The following SSBP2 variants were observed in gnomAD, a reference collection of about 807,000 sequenced individuals.
SSBP2 encodes single stranded DNA binding protein 2.
SSBP2 carries 17 observed loss-of-function variants against 61.8 expected under a neutral mutation model. The ratio of observed to expected loss-of-function variants is 0.28; its 90% confidence interval spans 0.19 to 0.41. The LOEUF (loss-of-function observed/expected upper bound fraction) is 0.41, where lower values mean the gene tolerates loss of function less well. Ranked by LOEUF, SSBP2 falls within the 10% of genes least tolerant of loss-of-function variation. The probability of loss-of-function intolerance (pLI) is 1.00; values close to 1 mark genes in which losing one functional copy is unlikely to be tolerated. For missense variants in SSBP2, 310 were observed against 458.7 expected, an observed-to-expected ratio of 0.68 and a Z score of 2.96; for synonymous variants, 139 against 141.3, an observed-to-expected ratio of 0.98 and a Z score of 0.12.
At chr5:81,705,614 T>C (rs541877489) in intron 1 of SSBP2, among the ~76,000 whole-genome samples, 1 of 152,306 alleles carries the variant, frequency 6.6e-6, no homozygotes, top group African/African-American at 2.4e-5. Flanking sequence ...AAACTAATTA[T>C]TTTAAGCCTT....
intron 4 of SSBP2, among the ~76,000 whole-genome samples, chr5:81,590,203 A>C (rs185633462): frequency 6.6e-6 from 1 of 152,318 alleles, no homozygotes; most frequent in East Asian, 1.9e-4. Flanking sequence ...AGATTTAAAA[A>C]AAAAATTATA....
At chr5:81,608,123 C>T (rs1561598585) in intron 4 of SSBP2, among the ~76,000 whole-genome samples, 1 of 152,122 alleles carries the variant, frequency 6.6e-6, no homozygotes, top group African/African-American at 2.4e-5. Context: ...TTAACCCACT[C>T]TTATCCCTTA....
rs558310014 is a variant in SSBP2 at position 81,598,019 on chromosome 5, A to G, written c.282+17454T>C. Among the ~76,000 whole-genome samples the G allele has an allele frequency of 2.0e-5, 3 of 151,724 alleles. No individual in the cohort carries two copies. In the East Asian group the frequency reaches 5.8e-4, roughly 29 times the overall value. On this transcript the variant is annotated intron_variant, in intron 4 of 16. Transcript: ENST00000320672. ...ACTTAAAGTATAATAATAAAATTAA[A>G]AAATAATAATAATAAAATAAATTTA...
At chr5:81,551,604 T>C (rs1466396944) in intron 4 of SSBP2, among the ~76,000 whole-genome samples, 6 of 152,166 alleles carry the variant, frequency 3.9e-5, no homozygotes, top group Non-Finnish European at 8.8e-5. Flanking sequence ...AAAGTATTTA[T>C]TACTTATTTA....
At chr5:81,490,761 C>A (rs1284497349) in intron 5 of SSBP2, among the ~76,000 whole-genome samples, 1 of 152,156 alleles carries the variant, frequency 6.6e-6, no homozygotes, top group Non-Finnish European at 1.5e-5. Flanking sequence ...ACAAAAGGAG[C>A]TTCACAATTA....
intron 1 of SSBP2, among the ~76,000 whole-genome samples, chr5:81,707,569 A>G (rs1437258996): frequency 6.6e-6 from 1 of 152,120 alleles, no homozygotes; most frequent in Non-Finnish European, 1.5e-5. Flanking sequence ...TTGATTTCAG[A>G]CTTCTTGCCT....
In SSBP2 at chr5:81,469,643, C is replaced by A. The variant is rs577844291; in HGVS notation, c.571-2602G>T. On this transcript the variant is annotated intron_variant, in intron 8 of 16. Coordinates refer to ENST00000320672, the MANE Select transcript of SSBP2 (RefSeq NM_012446.5). ...GTATACCCAGTGTTCATGTATGGTG[C>A]CTGGCACACAGTAGGCCTTCCATGA... 1.1e-4 allele frequency among the ~76,000 whole-genome samples: 16 copies of A among 152,016 alleles called. No homozygotes were observed. In the South Asian group the frequency reaches 3.3e-3, roughly 32 times the overall value.
intron 15 of SSBP2, among the ~76,000 whole-genome samples, chr5:81,434,156 C>T (rs950150155): frequency 6.6e-6 from 1 of 152,168 alleles, no homozygotes; most frequent in African/African-American, 2.4e-5. Flanking sequence ...CAATTCAGTA[C>T]TCTTTATTTA....
In SSBP2 at chr5:81,418,218, T is replaced by G. The variant is rs754194833; in HGVS notation, c.*2286A>C. The stretch of plus-strand genomic sequence containing the variant: ...GTGTCTGGACAAACTATCACCTTCA[T>G]TCAGGTTACCCTGGCTTGAGGTAAA... On this transcript the variant is annotated 3_prime_UTR_variant, in exon 17 of 17. Transcript: ENST00000320672. The G allele has an allele frequency of 6.6e-5, 10 of 152,242 alleles. No individual in the cohort carries two copies. The highest frequency in any genetic ancestry group is 1.5e-4 in the Non-Finnish European group (10 of 68,046). 9.4% of individuals were successfully genotyped at this position (152,242 alleles called of 1,614,324 possible). A position where few individuals can be genotyped will look rare whatever the true frequency, so the allele number is the denominator to read the frequency against.
At chr5:81,593,613 G>A (rs545972369) in intron 4 of SSBP2, among the ~76,000 whole-genome samples, 2 of 152,294 alleles carry the variant, frequency 1.3e-5, no homozygotes, top group African/African-American at 2.4e-5. Flanking sequence ...TACCCACAAA[G>A]GGAAGCCCAT....
At chr5:81,483,654 C>A (rs1446081065) in intron 6 of SSBP2, among the ~76,000 whole-genome samples, 1 of 152,046 alleles carries the variant, frequency 6.6e-6, no homozygotes, top group Non-Finnish European at 1.5e-5. Context: ...GCTTTCAACA[C>A]CACTGTCATT....
intron 4 of SSBP2, among the ~76,000 whole-genome samples, chr5:81,521,470 T>C (rs776794465): frequency 6.6e-6 from 1 of 151,844 alleles, no homozygotes; most frequent in Non-Finnish European, 1.5e-5. Context: ...TAAATGGATA[T>C]TGTTTTCCAA....
At chr5:81,681,711 G>GA (rs1403460400) in intron 1 of SSBP2, among the ~76,000 whole-genome samples, 3 of 151,750 alleles carry the variant, frequency 2.0e-5, no homozygotes, top group Non-Finnish European at 4.4e-5. Context: ...TAAGCCAGAG[G>GA]AAAAAATCTG....
Position 81,474,693 on chromosome 5 carries a change from T to C in SSBP2, c.433-131A>G, listed in dbSNP as rs114588855. 1,115 of 630,734 alleles carry C rather than the reference T, an allele frequency of 1.8e-3. 7 individuals are homozygous for C. In the African/African-American group the frequency reaches 0.018, roughly 10 times the overall value. 39.1% of individuals were successfully genotyped at this position (630,734 alleles called of 1,614,324 possible). A position where few individuals can be genotyped will look rare whatever the true frequency, so the allele number is the denominator to read the frequency against. ...TTTGAGTATTTCTCAAGATTTCTTATATTTCACATTCATTTATAAGTTTTG... is the reference window on the plus strand; with the variant it reads ...TTTGAGTATTTCTCAAGATTTCTTACATTTCACATTCATTTATAAGTTTTG... On this transcript the variant is annotated intron_variant, in intron 6 of 16. Coordinates refer to ENST00000320672, the MANE Select transcript of SSBP2 (RefSeq NM_012446.5).
At chr5:81,712,731 T>TG (rs1561718955) in intron 1 of SSBP2, among the ~76,000 whole-genome samples, 1 of 150,142 alleles carries the variant, frequency 6.7e-6, no homozygotes, top group African/African-American at 2.5e-5. Flanking sequence ...TTTCTTTGTT[T>TG]TTTTTTTTTT....
chr5:81,614,258 G>A (rs1393588568), intron 4 of SSBP2, among the ~76,000 whole-genome samples: 9 of 151,578 alleles, frequency 5.9e-5, no homozygotes, highest in Admixed American at 4.0e-4. Flanking sequence ...TACTTGGGAG[G>A]CTGAGGCAGG....
chr5:81,421,243 G>C (rs764366703), intron 16 of SSBP2, among the ~76,000 whole-genome samples: 3 of 152,160 alleles, frequency 2.0e-5, no homozygotes, highest in Non-Finnish European at 4.4e-5. Flanking sequence ...TCAGGCTGGA[G>C]TGCAGTGGTG....
At chr5:81,652,845 C>A (rs553303212) in intron 1 of SSBP2, among the ~76,000 whole-genome samples, 1 of 151,734 alleles carries the variant, frequency 6.6e-6, no homozygotes, top group African/African-American at 2.4e-5. Flanking sequence ...TTTGGTGCAC[C>A]CATCACCCGA....
At chr5:81,514,089 G>C (rs1768822587) in intron 4 of SSBP2, among the ~76,000 whole-genome samples, 1 of 152,118 alleles carries the variant, frequency 6.6e-6, no homozygotes, top group Non-Finnish European at 1.5e-5. Context: ...TAGGTAAAAA[G>C]TTTGAAGATG....
Sources: gnomAD v4.1 joint callset for allele counts (sites outside exome capture counted in the v4.1 genomes callset) on GRCh38, gnomAD v4.1.1 for gene constraint, MANE v1.5 for transcripts, NCBI Gene and HGNC (gene_info 2026-07-23, HGNC 2026-07-21) for gene names.